Variants in HIPK2 observed in about 807,000 individuals in gnomAD.
HIPK2 encodes homeodomain interacting protein kinase 2, also known as homeodomain-interacting protein kinase 2.
Under a neutral mutation model 113.7 loss-of-function variants are expected in HIPK2, and 27 were observed. The ratio of observed to expected loss-of-function variants is 0.24; its 90% CI spans 0.17 to 0.33. The LOEUF (loss-of-function observed/expected upper bound fraction) is 0.33, where lower values mean the gene tolerates loss of function less well. Among genes scored for constraint, HIPK2 ranks in the 10% least tolerant of loss-of-function variants. HIPK2 has a pLI of 1.00. For missense variants in HIPK2, 1,257 were observed against 1,588.0 expected (o/e 0.79, Z 3.54); for synonymous variants, 631 against 642.2 (o/e 0.98, Z 0.26).
chr7:139,684,159 T>C (rs951944439), intron 2 of HIPK2, among the ~76,000 whole-genome samples: 2 of 152,216 alleles, frequency 1.3e-5, no homozygotes, highest in Non-Finnish European at 2.9e-5. Context: ...ACTATTGTAA[T>C]GGTACTTGTG....
chr7:139,591,961 A>C (rs1250524240), intron 12 of HIPK2, among the ~76,000 whole-genome samples: 1 of 152,256 alleles, frequency 6.6e-6, no homozygotes, highest in African/African-American at 2.4e-5. Context: ...CTTTTTGCCC[A>C]TGCAATAATA....
chr7:139,666,116 G>C (rs1047469469), intron 2 of HIPK2, among the ~76,000 whole-genome samples: 3 of 152,094 alleles, frequency 2.0e-5, no homozygotes, highest in Admixed American at 6.6e-5. Context: ...AAAAGCGTAG[G>C]GATGACATGG....
At chr7:139,748,278 G>A (rs1796224556) in intron 1 of HIPK2, among the ~76,000 whole-genome samples, 1 of 152,146 alleles carries the variant, frequency 6.6e-6, no homozygotes, top group Non-Finnish European at 1.5e-5. Flanking sequence ...TTTAACCAAA[G>A]CATAGGAGGG....
At chr7:139,645,520 C>CAGTA (rs1360780053) in intron 2 of HIPK2, among the ~76,000 whole-genome samples, 1 of 152,180 alleles carries the variant, frequency 6.6e-6, no homozygotes, top group African/African-American at 2.4e-5. Context: ...AGGTGGAAAA[C>CAGTA]TACTGAGAAA....
At chr7:139,747,039 G>C (rs899908438) in intron 1 of HIPK2, among the ~76,000 whole-genome samples, 3 of 152,206 alleles carry the variant, frequency 2.0e-5, no homozygotes, top group South Asian at 2.1e-4. Context: ...GTGATACAAT[G>C]ACAACACTCA....
intron 10 of HIPK2, among the ~76,000 whole-genome samples, chr7:139,601,827 C>T (rs779669574): frequency 6.6e-6 from 1 of 152,024 alleles, no homozygotes. Flanking sequence ...TTATAAGAAC[C>T]TATTGTTGCA....
In HIPK2 at chr7:139,583,810, A is replaced by G; in HGVS notation, c.2965+7T>C. 6.2e-7 allele frequency: 1 copy of G among 1,608,502 alleles called. No individual in the cohort carries two copies. The highest frequency in any genetic ancestry group is 8.5e-7 in the Non-Finnish European group (1 of 1,177,312). On this transcript the variant is annotated splice_region_variant and intron_variant, in intron 13 of 14. Coordinates refer to ENST00000406875, the MANE Select transcript of HIPK2 (RefSeq NM_022740.5). ...GAGGTTCCTGCCCTGTCCTGGCCCCAAATTACCTGGCACCAGGCTATCACA... is the reference window on the plus strand; with the variant it reads ...GAGGTTCCTGCCCTGTCCTGGCCCCGAATTACCTGGCACCAGGCTATCACA...
At chr7:139,704,224 CACTACACCCAACACAT>C (rs1794817823) in intron 2 of HIPK2, among the ~76,000 whole-genome samples, 1 of 52,088 alleles carries the variant, frequency 1.9e-5, no homozygotes, top group Non-Finnish European at 3.5e-5. Flanking sequence ...ACCCAACACA[CACTACACCCAACACAT>C]GCACCCCTCC....
At chr7:139,705,365 C>T (rs139977788) in intron 2 of HIPK2, among the ~76,000 whole-genome samples, 37 of 152,220 alleles carry the variant, frequency 2.4e-4, no homozygotes, top group African/African-American at 8.4e-4. Context: ...CTACTACCAA[C>T]TGCTAGTAGT....
chr7:139,572,597 T>G lies in HIPK2; in HGVS notation c.*330A>C. 3 of 221,122 alleles carry G rather than the reference T, an allele frequency of 1.4e-5. No individual in the cohort carries two copies. The highest frequency in any genetic ancestry group is 1.8e-5 in the Non-Finnish European group (2 of 113,506). The allele number at this position is 221,122 out of a possible 1,614,324, so 13.7% of individuals were successfully genotyped here. A position where few individuals can be genotyped will look rare whatever the true frequency, so the allele number is the denominator to read the frequency against. On this transcript the variant is annotated 3_prime_UTR_variant, in exon 15 of 15. Coordinates refer to ENST00000406875, the MANE Select transcript of HIPK2 (RefSeq NM_022740.5). ...GTAGAATGGGTTCTTGAGCTGGGTT[T>G]TTTGTTATTGACTTTTTTTTTTTCC...
At chr7:139,766,973 G>A (rs1796563759) in intron 1 of HIPK2, among the ~76,000 whole-genome samples, 1 of 152,204 alleles carries the variant, frequency 6.6e-6, no homozygotes, top group Non-Finnish European at 1.5e-5. Context: ...GGTGAGAGGA[G>A]AGGAAGTCGG....
At chr7:139,745,321 T>C (rs941783810) in intron 1 of HIPK2, among the ~76,000 whole-genome samples, 1 of 152,188 alleles carries the variant, frequency 6.6e-6, no homozygotes, top group African/African-American at 2.4e-5. Context: ...TTGGAGCTTT[T>C]GAACTACTTA....
intron 2 of HIPK2, among the ~76,000 whole-genome samples, chr7:139,677,232 T>C (rs183087775): frequency 1.8e-3 from 232 of 129,982 alleles, no homozygotes; most frequent in African/African-American, 6.5e-3. Context: ...GAGGGGCTGA[T>C]ATTATATATA....
intron 12 of HIPK2, among the ~76,000 whole-genome samples, chr7:139,586,614 A>T (rs115009759): frequency 1.2e-3 from 178 of 152,032 alleles, no homozygotes; most frequent in African/African-American, 4.0e-3. Flanking sequence ...ACAAACAATT[A>T]AAAAAATAAG....
intron 1 of HIPK2, among the ~76,000 whole-genome samples, chr7:139,763,065 T>C (rs997132259): frequency 6.6e-6 from 1 of 151,954 alleles, no homozygotes; most frequent in Admixed American, 6.6e-5. Flanking sequence ...GGGAAGACTG[T>C]TGTGTGGGAA....
chr7:139,703,522 T>C (rs1794772716), intron 2 of HIPK2, among the ~76,000 whole-genome samples: 1 of 151,978 alleles, frequency 6.6e-6, no homozygotes, highest in African/African-American at 2.4e-5. Context: ...GCCAAATAAA[T>C]TTTATGGCAA....
chr7:139,646,758 C>T (rs1351003186), intron 2 of HIPK2, among the ~76,000 whole-genome samples: 1 of 152,138 alleles, frequency 6.6e-6, no homozygotes, highest in Non-Finnish European at 1.5e-5. Context: ...AGGGAGCTGT[C>T]ACACATCAGC....
rs1800594905 is a variant in HIPK2, at chr7:139,631,037, G to A, written c.1347+128C>T. On this transcript the variant is annotated intron_variant, in intron 4 of 14. Coordinates refer to ENST00000406875, the MANE Select transcript of HIPK2 (RefSeq NM_022740.5). The surrounding 1 kb of genome is among the most constrained non-coding windows in gnomAD (Gnocchi z 4.9). ...GAGCATTCAGATTCAGCCATACCAT[G>A]TATTAACAACAGCACCCCCAGTGCC... The A allele has an allele frequency of 8.1e-7, 1 of 1,241,656 alleles. No homozygotes were observed. Among genetic ancestry groups the A allele is most frequent in the Admixed American group, 2.7e-5 (1 of 36,880 alleles). The allele number at this position is 1,241,656 out of a possible 1,614,324, so 76.9% of individuals were successfully genotyped here. A position where few individuals can be genotyped will look rare whatever the true frequency, so the allele number is the denominator to read the frequency against.
At chr7:139,592,222 T>TA (rs1176632436) in intron 12 of HIPK2, among the ~76,000 whole-genome samples, 1 of 152,240 alleles carries the variant, frequency 6.6e-6, no homozygotes, top group Non-Finnish European at 1.5e-5. Flanking sequence ...TCAATTTTCT[T>TA]AAAGTTTTCA....
Sources: gnomAD v4.1 joint callset for allele counts (sites outside exome capture counted in the v4.1 genomes callset) on GRCh38, gnomAD v4.1.1 for gene constraint, Gnocchi (gnomAD v3.1) non-coding constraint, MANE v1.5 for transcripts, NCBI Gene and HGNC (gene_info 2026-07-23, HGNC 2026-07-21) for gene names.